The following TMED5 variants were observed in gnomAD, a reference collection of about 807,000 sequenced individuals.
The protein encoded by TMED5 is transmembrane p24 trafficking protein 5.
A neutral mutation model predicts 23.0 loss-of-function variants in TMED5; 27 were observed. That is an observed-to-expected ratio of 1.17 (90% CI 0.86 to 1.62). The LOEUF (loss-of-function observed/expected upper bound fraction) is 1.62. Ranked by LOEUF, TMED5 falls within the 40% of genes most tolerant of loss-of-function variation. The pLI is 0.00. For missense variants in TMED5, 248 were observed against 273.7 expected, an observed-to-expected ratio of 0.91 and a Z score of 0.66; for synonymous variants, 97 against 100.8, an observed-to-expected ratio of 0.96 and a Z score of 0.23.
intron 1 of TMED5, among the ~76,000 whole-genome samples, chr1:93,175,734 TA>T (rs1162488102): frequency 6.6e-6 from 1 of 152,136 alleles, no homozygotes; most frequent in Non-Finnish European, 1.5e-5. Flanking sequence ...AAAATTGATA[TA>T]GCTATATTCT....
chr1:93,164,089 T>C (rs1214591806), intron 1 of TMED5, among the ~76,000 whole-genome samples: 2 of 151,704 alleles, frequency 1.3e-5, no homozygotes, highest in African/African-American at 2.4e-5. Flanking sequence ...AAAGGAAACA[T>C]AGACATTAAT....
chr1:93,167,468 G>A (rs970592189), intron 1 of TMED5, among the ~76,000 whole-genome samples: 6 of 151,896 alleles, frequency 4.0e-5, no homozygotes, highest in African/African-American at 4.8e-5. Flanking sequence ...TCATTGTAGC[G>A]ATCTTTCATT....
chr1:93,167,597 T>G (rs987143464), intron 1 of TMED5, among the ~76,000 whole-genome samples: 7 of 152,246 alleles, frequency 4.6e-5, no homozygotes, highest in Admixed American at 2.0e-4. Context: ...TTTTGTATGT[T>G]GATTTTATAT....
At chr1:93,173,426 A>C (rs1224351122) in intron 1 of TMED5, among the ~76,000 whole-genome samples, 1 of 152,212 alleles carries the variant, frequency 6.6e-6, no homozygotes, top group Non-Finnish European at 1.5e-5. Flanking sequence ...ACAAAGAGAG[A>C]AATTATGAGA....
chr1:93,157,993 G>A (rs936290664), intron 2 of TMED5, among the ~76,000 whole-genome samples: 2 of 151,712 alleles, frequency 1.3e-5, no homozygotes, highest in South Asian at 2.1e-4. Context: ...GCGTGGTGGC[G>A]GGCGCCTGTA....
At chr1:93,171,300 A>G (rs1170402741) in intron 1 of TMED5, among the ~76,000 whole-genome samples, 1 of 152,200 alleles carries the variant, frequency 6.6e-6, no homozygotes, top group Non-Finnish European at 1.5e-5. Flanking sequence ...ACATCCGAAC[A>G]TCAGAAGGAA....
rs955107454 is a variant in TMED5, at chr1:93,153,521, A to G, written c.*1149T>C. The G allele has an allele frequency of 9.2e-5, 14 of 152,288 alleles. No homozygotes were observed. Among genetic ancestry groups the G allele is most frequent in the African/African-American group, 3.4e-4 (14 of 41,582 alleles). 9.4% of individuals were successfully genotyped at this position (152,288 alleles called of 1,614,324 possible). On this transcript the variant is annotated 3_prime_UTR_variant, in exon 4 of 4. Transcript: ENST00000370282. ...AAAACCTACAGCCAAAGTTTCTTCC[A>G]GCTAACTGGAAATTAATCATCTCCT...
intron 2 of TMED5, chr1:93,158,947 A>G (rs988961671): frequency 7.7e-6 from 5 of 648,168 alleles, no homozygotes; most frequent in Admixed American, 6.3e-5. Context: ...TAAAATTACT[A>G]TTTCTATCTT....
chr1:93,175,328 C>G (rs899894451), intron 1 of TMED5, among the ~76,000 whole-genome samples: 1 of 145,742 alleles, frequency 6.9e-6, no homozygotes, highest in African/African-American at 2.5e-5. Context: ...CACACACACA[C>G]ACACACACAC....
At chr1:93,155,460 T>C (rs1648036218) in intron 3 of TMED5, among the ~76,000 whole-genome samples, 3 of 151,648 alleles carry the variant, frequency 2.0e-5, no homozygotes, top group Admixed American at 1.3e-4. Flanking sequence ...TTATTCTGAG[T>C]GGCATAGCAT....
intron 2 of TMED5, 132 bp from the exon 3 acceptor site, chr1:93,156,615 G>A: frequency 4.4e-6 from 3 of 680,374 alleles, no homozygotes; most frequent in South Asian, 3.8e-5. Context: ...TTTTGAGAGG[G>A]CAAGGCTGGT....
chr1:93,156,594 T>A, intron 2 of TMED5, 111 bp from the exon 3 acceptor site: 1 of 788,974 alleles, frequency 1.3e-6, no homozygotes, highest in Non-Finnish European at 2.0e-6. Context: ...CTCACACCTG[T>A]AATCCCAGCA....
chr1:93,172,994 T>C (rs1487108542), intron 1 of TMED5, among the ~76,000 whole-genome samples: 1 of 152,122 alleles, frequency 6.6e-6, no homozygotes, highest in Non-Finnish European at 1.5e-5. Flanking sequence ...TAGAATTCCA[T>C]ACAGTTCCAT....
intron 3 of TMED5, among the ~76,000 whole-genome samples, chr1:93,155,815 T>C (rs1648055183): frequency 6.6e-6 from 1 of 152,204 alleles, no homozygotes; most frequent in South Asian, 2.1e-4. Context: ...GATATAACTT[T>C]AGGTATTTAC....
chr1:93,165,755 C>A (rs1648481527), intron 1 of TMED5, among the ~76,000 whole-genome samples: 1 of 152,134 alleles, frequency 6.6e-6, no homozygotes, highest in African/African-American at 2.4e-5. Context: ...TATGCTACAA[C>A]AAAAGTGCCT....
At chr1:93,160,585 C>T (rs569819675) in intron 1 of TMED5, 39 of 166,470 alleles carry the variant, frequency 2.3e-4, no homozygotes, top group Admixed American at 1.7e-3. Flanking sequence ...TGGCAGGGCG[C>T]GGTGGCTCAC....
intron 2 of TMED5, among the ~76,000 whole-genome samples, chr1:93,158,436 G>C (rs1648150350): frequency 6.6e-6 from 1 of 152,070 alleles, no homozygotes; most frequent in Admixed American, 6.5e-5. Context: ...TTCTACACAA[G>C]GAAGCAGTAA....
At chr1:93,167,937 A>C (rs1648565809) in intron 1 of TMED5, among the ~76,000 whole-genome samples, 1 of 152,128 alleles carries the variant, frequency 6.6e-6, no homozygotes, top group Non-Finnish European at 1.5e-5. Flanking sequence ...TTCTATACCC[A>C]GTGTTTTGAG....
intron 1 of TMED5, among the ~76,000 whole-genome samples, chr1:93,171,346 A>T (rs1648727705): frequency 6.6e-6 from 1 of 152,084 alleles, no homozygotes; most frequent in South Asian, 2.1e-4. Context: ...GAACTGTAAC[A>T]CTCACCGCGA....
Sources: allele counts gnomAD v4.1 joint callset (sites outside exome capture counted in the v4.1 genomes callset), GRCh38; gene constraint gnomAD v4.1.1; transcripts MANE v1.5; gene names NCBI Gene and HGNC (gene_info 2026-07-23, HGNC 2026-07-21).